ZNF776: variants seen among roughly 807,000 people sequenced by gnomAD.
ZNF776 encodes the protein zinc finger protein 776.
Under a neutral mutation model 7.0 loss-of-function variants are expected in ZNF776, and 4 were observed. That is an observed-to-expected ratio of 0.57 (90% CI 0.28 to 1.31). The LOEUF (loss-of-function observed/expected upper bound fraction) is 1.31. Ranked by LOEUF, ZNF776 falls within the 50% of genes most tolerant of loss-of-function variation. The probability of loss-of-function intolerance (pLI) is 0.10; values close to 1 mark genes in which losing one functional copy is unlikely to be tolerated. For synonymous variants in ZNF776, 212 were observed against 213.7 expected (o/e 0.99, Z 0.07); for missense variants, 555 against 625.9 (o/e 0.89, Z 1.21).
Position 57,750,931 on chromosome 19 carries a change from C to T in ZNF776, c.160+20C>T. The T allele has an allele frequency of 6.3e-7, 1 of 1,596,010 alleles. No individual in the cohort carries two copies. The highest frequency in any genetic ancestry group is 8.5e-7 in the Non-Finnish European group (1 of 1,170,340). ...CTCTAGGTAAGGCACTCACACTCTT[C>T]TCTATGACCTCAGCTATTGTCTGTC... On this transcript the variant is annotated intron_variant, in intron 2 of 2. Transcript: ENST00000317178.
At position 57,751,868 on chromosome 19, in the gene ZNF776, G is replaced by T. The variant is rs142835793; in HGVS notation, c.160+957G>T. ...TTTGTTCATTTGTATTTTTGGTTTT[G>T]TTTTTTTTTTTTTTTTTTTTTTGAG... On this transcript the variant is annotated intron_variant, in intron 2 of 2. Coordinates refer to ENST00000317178, the MANE Select transcript of ZNF776 (RefSeq NM_173632.4). Among the ~76,000 whole-genome samples, 434 of 67,526 alleles carry T rather than the reference G, an allele frequency of 6.4e-3. 3 individuals are homozygous for T. The highest frequency in any genetic ancestry group is 0.018 in the African/African-American group (324 of 18,150). The allele number at this position is 67,526 out of a possible 152,430, so 44.3% of individuals were successfully genotyped here.
Position 57,755,099 on chromosome 19 carries a change from T to C in ZNF776, c.*412T>C. Reference sequence around the variant, plus strand: ...TTTACAATGGAGAAAGGCCACATAATAATTTCTCACATAATAAATGTGAGA... The same window carrying C: ...TTTACAATGGAGAAAGGCCACATAACAATTTCTCACATAATAAATGTGAGA... On this transcript the variant is annotated 3_prime_UTR_variant, in exon 3 of 3. Coordinates refer to ENST00000317178, the MANE Select transcript of ZNF776 (RefSeq NM_173632.4). 5.2e-6 allele frequency: 1 copy of C among 191,796 alleles called. No homozygotes were observed. Among genetic ancestry groups the C allele is most frequent in the Non-Finnish European group, 1.1e-5 (1 of 91,678 alleles). The allele number at this position is 191,796 out of a possible 1,614,324, so 11.9% of individuals were successfully genotyped here. A position where few individuals can be genotyped will look rare whatever the true frequency, so the allele number is the denominator to read the frequency against.
In ZNF776 at chr19:57,756,575, A is replaced by G. The variant is rs1986783365; in HGVS notation, c.*1888A>G. On this transcript the variant is annotated 3_prime_UTR_variant, in exon 3 of 3. Transcript: ENST00000317178. The stretch of plus-strand genomic sequence containing the variant: ...GGCTGCCTAAGGCCTCCAAATAAAG[A>G]CTTCAGGGCTTTGTGATCTTTATTT... The G allele has an allele frequency of 6.1e-6, 1 of 164,230 alleles. No individual in the cohort carries two copies. The highest frequency in any genetic ancestry group is 1.3e-5 in the Non-Finnish European group (1 of 75,308). The allele number at this position is 164,230 out of a possible 1,614,324, so 10.2% of individuals were successfully genotyped here. A position where few individuals can be genotyped will look rare whatever the true frequency, so the allele number is the denominator to read the frequency against.
intron 2 of ZNF776, 138 bp downstream of exon 2, chr19:57,751,049 T>C: frequency 2.9e-6 from 3 of 1,051,918 alleles, no homozygotes; most frequent in Non-Finnish European, 3.9e-6. Context: ...GTAGGTTCTA[T>C]GTGGTATGTA....
At chr19:57,752,149 C>T (rs1986629093) in intron 2 of ZNF776, among the ~76,000 whole-genome samples, 1 of 152,068 alleles carries the variant, frequency 6.6e-6, no homozygotes, top group Non-Finnish European at 1.5e-5. Context: ...GGATTACAGG[C>T]GTGAGCCACC....
chr19:57,754,341 AT>A lies in ZNF776; in HGVS notation c.1212del (p.Tyr404Ter), dbSNP rs1568477204. 1.2e-6 allele frequency: 2 copies of A among 1,614,150 alleles called. No individual in the cohort carries two copies. The highest frequency in any genetic ancestry group is 4.5e-5 in the East Asian group (2 of 44,874). On this transcript the variant is annotated frameshift_variant, in exon 3 of 3. Coordinates refer to ENST00000317178, the MANE Select transcript of ZNF776 (RefSeq NM_173632.4). LOFTEE classifies it low-confidence loss of function (END_TRUNC). ...HQRVHTGERP[Y>X]ECKECRKSFR... The stretch of plus-strand genomic sequence containing the variant: ...AGAGTTCACACTGGAGAAAGACCCT[AT>A]GAGTGTAAAGAATGTAGGAAATCAT...
In ZNF776 at chr19:57,756,957, AT is replaced by A; in HGVS notation, c.*2271del. 1 of 420,480 alleles carries A rather than the reference AT, an allele frequency of 2.4e-6. No individual in the cohort carries two copies. The highest frequency in any genetic ancestry group is 1.7e-5 in the South Asian group (1 of 58,786). 26.0% of individuals were successfully genotyped at this position (420,480 alleles called of 1,614,324 possible). ...GGCCTCAAACTCCTGGGCTCAAGTG[AT>A]CCTCCTGCCTCAGCCTCCCGAGTAC... On this transcript the variant is annotated 3_prime_UTR_variant, in exon 3 of 3. Transcript: ENST00000317178.
intron 2 of ZNF776, among the ~76,000 whole-genome samples, chr19:57,752,511 G>C (rs1986638286): frequency 1.3e-5 from 2 of 152,156 alleles, no homozygotes; most frequent in Non-Finnish European, 2.9e-5. Flanking sequence ...GGCTCAGCAT[G>C]ATGGGCCCAG....
chr19:57,748,122 G>C (rs1986494135), intron 1 of ZNF776, among the ~76,000 whole-genome samples: 1 of 152,142 alleles, frequency 6.6e-6, no homozygotes, highest in Non-Finnish European at 1.5e-5. Flanking sequence ...GAGAGAGGAG[G>C]AAATAAGATG....
At position 57,753,859 on chromosome 19, in the gene ZNF776, A is replaced by AT. The variant is rs1316406913; in HGVS notation, c.731dup (p.Thr245HisfsTer2). ...CTTATGTATGCAGTGATTCTGGGAA[A>AT]TTCACTAGCAAAAGTAATAGTTTTA... On this transcript the variant is annotated frameshift_variant, in exon 3 of 3. Coordinates refer to ENST00000317178, the MANE Select transcript of ZNF776 (RefSeq NM_173632.4). LOFTEE classifies it low-confidence loss of function (END_TRUNC). 1 of 1,614,240 alleles carries AT rather than the reference A, an allele frequency of 6.2e-7. No individual in the cohort carries two copies. The highest frequency in any genetic ancestry group is 1.3e-5 in the African/African-American group (1 of 75,072).
Position 57,753,418 on chromosome 19 carries a change from C to T in ZNF776, c.288C>T (p.Gly96=). 6.2e-7 allele frequency: 1 copy of T among 1,614,164 alleles called. No individual in the cohort carries two copies. Among genetic ancestry groups the T allele is most frequent in the Non-Finnish European group, 8.5e-7 (1 of 1,180,034 alleles). Residue 96 remains glycine (G), a synonymous_variant, in exon 3 of 3, where the codon GGC becomes GGT. Coordinates refer to ENST00000317178, the MANE Select transcript of ZNF776 (RefSeq NM_173632.4). ...TKKVHLWGMC[G]PLLGDILHQG... Reference sequence around the variant, plus strand: ...AGGTCCACCTCTGGGGAATGTGTGGCCCTCTCCTGGGAGATATCTTACACC... The same window carrying T: ...AGGTCCACCTCTGGGGAATGTGTGGTCCTCTCCTGGGAGATATCTTACACC...
Position 57,753,334 on chromosome 19 carries a change from C to A in ZNF776, c.204C>A (p.Thr68=), listed in dbSNP as rs1280544346. 1 of 1,613,844 alleles carries A rather than the reference C, an allele frequency of 6.2e-7. No individual in the cohort carries two copies. Among genetic ancestry groups the A allele is most frequent in the Non-Finnish European group, 8.5e-7 (1 of 1,179,964 alleles). The change falls in exon 3 of 3, where the codon ACC becomes ACA. Residue 68 remains threonine (T), a synonymous_variant. Coordinates refer to ENST00000317178, the MANE Select transcript of ZNF776 (RefSeq NM_173632.4). ...AAGACGAGACACCTTCTAAGCAGAC[C>A]CTTTCTATACAACAGGAGTCCCCAC... ...GAKDETPSKQ[T]LSIQQESPLR...
Position 57,747,064 on chromosome 19 carries a change from G to C in ZNF776, c.6G>C (p.Ala2=), listed in dbSNP as rs773598342. The change falls in exon 1 of 3, where the codon GCG becomes GCC. Residue 2 remains alanine (A), a synonymous_variant. Transcript: ENST00000317178. The part of the protein sequence containing the change: M[A]AAALRPPAQG... ...CGCTTTCCCCACCCAGTCGGATGGC[G>C]GCGGCCGCGCTGAGGCCCCCGGCTC... 4.4e-6 allele frequency: 7 copies of C among 1,587,758 alleles called. No homozygotes were observed. Among genetic ancestry groups the C allele is most frequent in the Non-Finnish European group, 6.0e-6 (7 of 1,167,224 alleles).
intron 1 of ZNF776, among the ~76,000 whole-genome samples, chr19:57,750,397 A>C (rs1600066426): frequency 6.7e-6 from 1 of 150,266 alleles, no homozygotes; most frequent in South Asian, 2.1e-4. Flanking sequence ...ATGTCATTGC[A>C]CTCCAGCCTG....
chr19:57,750,240 A>G (rs1184131167), intron 1 of ZNF776, among the ~76,000 whole-genome samples: 2 of 151,566 alleles, frequency 1.3e-5, no homozygotes, highest in African/African-American at 4.9e-5. Flanking sequence ...CCTGGGCAAC[A>G]TAGTGAAACC....
In ZNF776 at chr19:57,756,152, G is replaced by A. The variant is rs146661747; in HGVS notation, c.*1465G>A. 4.6e-5 allele frequency: 7 copies of A among 152,208 alleles called. No individual in the cohort carries two copies. Among genetic ancestry groups the A allele is most frequent in the African/African-American group, 9.6e-5 (4 of 41,534 alleles). The allele number at this position is 152,208 out of a possible 1,614,324, so 9.4% of individuals were successfully genotyped here. On this transcript the variant is annotated 3_prime_UTR_variant, in exon 3 of 3. Coordinates refer to ENST00000317178, the MANE Select transcript of ZNF776 (RefSeq NM_173632.4). The stretch of plus-strand genomic sequence containing the variant: ...TTCAAAGCTGTCCTGAGATACATGC[G>A]GCCCACAAGCTGCGGGTTGGACCAG...
chr19:57,747,026 C>G lies in ZNF776; in HGVS notation c.-33C>G. ...CCCGGGTACCTGCACTGCTCGCCCC[C>G]TCCTTTCGACCCCGCTTTCCCCACC... On this transcript the variant is annotated 5_prime_UTR_variant, in exon 1 of 3. Coordinates refer to ENST00000317178, the MANE Select transcript of ZNF776 (RefSeq NM_173632.4). 6.4e-7 allele frequency: 1 copy of G among 1,562,812 alleles called. No homozygotes were observed.
chr19:57,751,448 A>G (rs538163290), intron 2 of ZNF776, among the ~76,000 whole-genome samples: 34 of 152,080 alleles, frequency 2.2e-4, no homozygotes, highest in Middle Eastern at 3.4e-3. Context: ...TGTAGCCTCA[A>G]TCTCCCAGGC....
In ZNF776 at chr19:57,757,700, G is replaced by C. The variant is rs578114623; in HGVS notation, c.*3013G>C. On this transcript the variant is annotated 3_prime_UTR_variant, in exon 3 of 3. Transcript: ENST00000317178. Reference sequence around the variant, plus strand: ...TTATCCCAACACTTTGGGAGTCCAGGGTGGGAGTATTGCTTGAGGTAAGAA... The same window carrying C: ...TTATCCCAACACTTTGGGAGTCCAGCGTGGGAGTATTGCTTGAGGTAAGAA... 6.6e-6 allele frequency: 1 copy of C among 152,168 alleles called. No homozygotes were observed. Among genetic ancestry groups the C allele is most frequent in the Non-Finnish European group, 1.5e-5 (1 of 68,032 alleles). 9.4% of individuals were successfully genotyped at this position (152,168 alleles called of 1,614,324 possible). A position where few individuals can be genotyped will look rare whatever the true frequency, so the allele number is the denominator to read the frequency against.
Sources: gnomAD v4.1 joint callset for allele counts (sites outside exome capture counted in the v4.1 genomes callset) on GRCh38, gnomAD v4.1.1 for gene constraint, MANE v1.5 for transcripts, NCBI Gene and HGNC (gene_info 2026-07-23, HGNC 2026-07-21) for gene names.